The following CPNE8 variants were observed in gnomAD, a reference collection of about 807,000 sequenced individuals.
CPNE8 encodes the protein copine 8, also known as copine-8.
In CPNE8, 45 loss-of-function variants were observed where a neutral mutation model predicts 81.5. The observed-to-expected ratio is 0.55, with a 90% CI of 0.44 to 0.71. CPNE8 has a LOEUF of 0.71. CPNE8 is among the 30% of genes least tolerant of loss of function. CPNE8 has a pLI of 0.00. For synonymous variants in CPNE8, 252 were observed against 226.3 expected (o/e 1.11, Z -1.02); for missense variants, 594 against 672.1 (o/e 0.88, Z 1.28).
chr12:38,741,616 C>A (rs1231675866), intron 10 of CPNE8, among the ~76,000 whole-genome samples: 4 of 152,154 alleles, frequency 2.6e-5, no homozygotes, highest in African/African-American at 9.7e-5. Flanking sequence ...AGGACATAGG[C>A]ATGGGCAAAG....
At chr12:38,728,439 T>C (rs1284936493) in intron 11 of CPNE8, among the ~76,000 whole-genome samples, 1 of 152,054 alleles carries the variant, frequency 6.6e-6, no homozygotes, top group Non-Finnish European at 1.5e-5. Flanking sequence ...AAAGTACAAC[T>C]GAAATGAAAA....
intron 4 of CPNE8, among the ~76,000 whole-genome samples, chr12:38,840,517 G>T (rs946388609): frequency 6.6e-6 from 1 of 152,010 alleles, no homozygotes; most frequent in African/African-American, 2.4e-5. Context: ...ACAACTTCAC[G>T]TGAATGAATC....
At chr12:38,670,357 C>T (rs1200601867) in intron 19 of CPNE8, among the ~76,000 whole-genome samples, 4 of 152,070 alleles carry the variant, frequency 2.6e-5, no homozygotes, top group Non-Finnish European at 4.4e-5. Context: ...ATTTGAACTA[C>T]ATTTAATTAC....
intron 13 of CPNE8, among the ~76,000 whole-genome samples, chr12:38,707,016 A>G (rs1460535355): frequency 6.6e-6 from 1 of 152,144 alleles, no homozygotes; most frequent in African/African-American, 2.4e-5. Flanking sequence ...AAGAGTTAAA[A>G]AGAAGAAGAG....
chr12:38,784,812 G>T (rs1373172132), intron 6 of CPNE8, among the ~76,000 whole-genome samples: 1 of 152,058 alleles, frequency 6.6e-6, no homozygotes, highest in Non-Finnish European at 1.5e-5. Context: ...AAGACATAAA[G>T]AATTTCTCAG....
At chr12:38,778,886 T>G (rs1351387255) in intron 6 of CPNE8, among the ~76,000 whole-genome samples, 1 of 152,194 alleles carries the variant, frequency 6.6e-6, no homozygotes, top group Non-Finnish European at 1.5e-5. Context: ...GTTTCCACCA[T>G]GTATTTACTC....
intron 12 of CPNE8, among the ~76,000 whole-genome samples, chr12:38,724,120 A>G (rs917460375): frequency 2.0e-5 from 3 of 152,182 alleles, no homozygotes; most frequent in African/African-American, 2.4e-5. Context: ...AGATAAAAGG[A>G]AAGATGAAAG....
intron 13 of CPNE8, among the ~76,000 whole-genome samples, chr12:38,711,658 G>A (rs1362871864): frequency 6.6e-6 from 1 of 151,910 alleles, no homozygotes; most frequent in African/African-American, 2.4e-5. Flanking sequence ...TAGTAGAGAC[G>A]GAGTTTCACC....
chr12:38,752,341 T>C (rs1037925452), intron 10 of CPNE8, among the ~76,000 whole-genome samples: 1 of 152,078 alleles, frequency 6.6e-6, no homozygotes, highest in Admixed American at 6.6e-5. Context: ...CCAAAGTAAA[T>C]ATAAAAATAC....
At chr12:38,729,100 C>G (rs1018079226) in intron 11 of CPNE8, among the ~76,000 whole-genome samples, 8 of 152,042 alleles carry the variant, frequency 5.3e-5, no homozygotes, top group Non-Finnish European at 1.2e-4. Flanking sequence ...TGGTTAATCT[C>G]TGGAGTATTA....
intron 3 of CPNE8, among the ~76,000 whole-genome samples, chr12:38,868,844 A>G (rs1943951738): frequency 6.6e-6 from 1 of 152,156 alleles, no homozygotes; most frequent in Non-Finnish European, 1.5e-5. Context: ...TTCAGATTAA[A>G]TATTATTTTA....
chr12:38,814,273 A>T (rs75081238), intron 6 of CPNE8, among the ~76,000 whole-genome samples: 2 of 150,924 alleles, frequency 1.3e-5, no homozygotes, highest in Non-Finnish European at 3.0e-5. Context: ...TAGTGAGATT[A>T]AAAAAACTGA....
intron 1 of CPNE8, among the ~76,000 whole-genome samples, chr12:38,904,811 G>A (rs1944543067): frequency 6.6e-6 from 1 of 152,042 alleles, no homozygotes; most frequent in Admixed American, 6.6e-5. Flanking sequence ...TCAGATGTGG[G>A]CCCGAAAACA....
chr12:38,752,887 T>C (rs1482195777), intron 10 of CPNE8, among the ~76,000 whole-genome samples: 2 of 152,196 alleles, frequency 1.3e-5, no homozygotes, highest in African/African-American at 2.4e-5. Context: ...ATAATTCTCC[T>C]GTTGGTGAAC....
intron 6 of CPNE8, among the ~76,000 whole-genome samples, chr12:38,798,316 A>T (rs551562718): frequency 6.7e-4 from 102 of 152,338 alleles, no homozygotes; most frequent in East Asian, 5.0e-3. Flanking sequence ...CGGGTTACCC[A>T]CAAAGGGAAG....
At chr12:38,691,133 T>C (rs910774021) in intron 15 of CPNE8, among the ~76,000 whole-genome samples, 22 of 152,200 alleles carry the variant, frequency 1.4e-4, no homozygotes, top group Admixed American at 1.2e-3. Flanking sequence ...GGTGTTAATA[T>C]AAGCATGCAT....
Position 38,688,183 on chromosome 12 carries a change from T to A in CPNE8, c.1144-2566A>T, listed in dbSNP as rs186165550. On this transcript the variant is annotated intron_variant, in intron 15 of 19. Coordinates refer to ENST00000331366, the MANE Select transcript of CPNE8 (RefSeq NM_153634.3). ...GTTTACGTTTTGATGAAACTGTATG[T>A]TATCACTATTTCTCTGGAATTGAAA... Among the ~76,000 whole-genome samples the A allele has an allele frequency of 4.9e-3, 748 of 152,304 alleles. 8 individuals are homozygous for A. The highest frequency in any genetic ancestry group is 0.018 in the African/African-American group (728 of 41,570).
chr12:38,847,566 A>T (rs1239830038), intron 4 of CPNE8, among the ~76,000 whole-genome samples: 2 of 152,160 alleles, frequency 1.3e-5, no homozygotes, highest in Non-Finnish European at 2.9e-5. Context: ...CCAAATGTGG[A>T]TGTAATAAAT....
intron 19 of CPNE8, among the ~76,000 whole-genome samples, chr12:38,654,407 C>T (rs959037861): frequency 8.1e-5 from 12 of 147,964 alleles, no homozygotes; most frequent in Non-Finnish European, 1.6e-4. Context: ...CCCAGCTACT[C>T]GGGAGGCTGA....
Sources: allele counts gnomAD v4.1 joint callset (sites outside exome capture counted in the v4.1 genomes callset), GRCh38; gene constraint gnomAD v4.1.1; transcripts MANE v1.5; gene names NCBI Gene and HGNC (gene_info 2026-07-23, HGNC 2026-07-21).